Variants in RBFOX3 observed in about 807,000 individuals in gnomAD.
RBFOX3 encodes the protein RNA binding fox-1 homolog 3.
Under a neutral mutation model 48.7 loss-of-function variants are expected in RBFOX3, and 17 were observed. The observed-to-expected ratio is 0.35, with a 90% CI of 0.24 to 0.52. The LOEUF (loss-of-function observed/expected upper bound fraction) is 0.52. Ranked by LOEUF, RBFOX3 falls within the 20% of genes least tolerant of loss-of-function variation. The probability of loss-of-function intolerance (pLI) is 0.94; values close to 1 mark genes in which losing one functional copy is unlikely to be tolerated. For synonymous variants in RBFOX3, 212 were observed against 209.5 expected, an observed-to-expected ratio of 1.01 and a Z score of -0.10; for missense variants, 382 against 497.5, an observed-to-expected ratio of 0.77 and a Z score of 2.21.
At chr17:79,218,716 G>A (rs529456232) in intron 4 of RBFOX3, among the ~76,000 whole-genome samples, 1 of 152,314 alleles carries the variant, frequency 6.6e-6, no homozygotes, top group South Asian at 2.1e-4. Flanking sequence ...CAGGCTCAGG[G>A]AATGTCTTTG....
At chr17:79,551,573 G>C (rs926603147) in intron 1 of RBFOX3, among the ~76,000 whole-genome samples, 10 of 151,770 alleles carry the variant, frequency 6.6e-5, no homozygotes, top group Non-Finnish European at 1.5e-4. Context: ...AAGGTGGATA[G>C]ATAGGTAGGT....
At chr17:79,320,141 G>T (rs62061496) in intron 2 of RBFOX3, among the ~76,000 whole-genome samples, 7 of 152,150 alleles carry the variant, frequency 4.6e-5, no homozygotes, top group African/African-American at 1.4e-4. Flanking sequence ...TTGAGTGGCT[G>T]GTGTCTCCTG....
rs1163023445 is a variant in RBFOX3, at chr17:79,390,779, T to C, written c.-174-82955A>G. On this transcript the variant is annotated intron_variant, in intron 2 of 14. Transcript: ENST00000693108. This position sits in a 1 kb window ranked among gnomAD's most constrained non-coding sequence, Gnocchi z 4.2. ...AAGTTTGCCAGAGGCGAGTTCAGGG[T>C]GGGGATCCTGGCAGTGGGAAACTGG... 2.6e-5 allele frequency among the ~76,000 whole-genome samples: 4 copies of C among 152,068 alleles called. No individual in the cohort carries two copies. Among genetic ancestry groups the C allele is most frequent in the Admixed American group, 6.5e-5 (1 of 15,268 alleles).
At chr17:79,112,858 G>A (rs1272832671) in intron 5 of RBFOX3, among the ~76,000 whole-genome samples, 2 of 149,530 alleles carry the variant, frequency 1.3e-5, no homozygotes, top group Non-Finnish European at 3.0e-5. Flanking sequence ...GGAGCGTCCA[G>A]GGGGTTGTGT....
chr17:79,471,656 A>G lies in RBFOX3; in HGVS notation c.-175+10798T>C, dbSNP rs2149380624. On this transcript the variant is annotated intron_variant, in intron 2 of 14. Coordinates refer to ENST00000693108, the MANE Select transcript of RBFOX3 (RefSeq NM_001350451.2). This position sits in a 1 kb window ranked among gnomAD's most constrained non-coding sequence, Gnocchi z 4.0. ...GGACTGCAGTGTTTAAAAGACAGTC[A>G]TCACCCAAAGTGCTTTTTATAACAA... Among the ~76,000 whole-genome samples, 1 of 152,302 alleles carries G rather than the reference A, an allele frequency of 6.6e-6. No homozygotes were observed. Among genetic ancestry groups the G allele is most frequent in the Non-Finnish European group, 1.5e-5 (1 of 68,024 alleles).
At chr17:79,379,589 C>T (rs574705972) in intron 2 of RBFOX3, among the ~76,000 whole-genome samples, 3 of 152,130 alleles carry the variant, frequency 2.0e-5, no homozygotes, top group South Asian at 2.1e-4. Context: ...AGAATGAACA[C>T]GGGTGAGCAG....
chr17:79,201,604 T>C (rs906127157), intron 4 of RBFOX3, among the ~76,000 whole-genome samples: 1 of 152,190 alleles, frequency 6.6e-6, no homozygotes, highest in Non-Finnish European at 1.5e-5. Context: ...TCACGATCTC[T>C]CTTCTCTCTC....
At chr17:79,327,735 A>T (rs928601356) in intron 2 of RBFOX3, among the ~76,000 whole-genome samples, 3 of 151,996 alleles carry the variant, frequency 2.0e-5, no homozygotes, top group Non-Finnish European at 4.4e-5. Context: ...TCCCTCTGTC[A>T]CCCAGGCTGG....
At chr17:79,109,303 G>C (rs1300708341) in intron 5 of RBFOX3, among the ~76,000 whole-genome samples, 3 of 152,220 alleles carry the variant, frequency 2.0e-5, no homozygotes, top group Non-Finnish European at 2.9e-5. Context: ...GGTGGGCACA[G>C]CTGGCAGGGC....
chr17:79,540,642 C>A (rs534768620), intron 1 of RBFOX3, among the ~76,000 whole-genome samples: 1 of 152,252 alleles, frequency 6.6e-6, no homozygotes, highest in African/African-American at 2.4e-5. Context: ...CATTCACATA[C>A]CGCCGTGGTG....
At chr17:79,598,548 C>T (rs2093628153) in intron 1 of RBFOX3, 1 of 152,146 alleles carries the variant, frequency 6.6e-6, no homozygotes. Context: ...AAAATCACAT[C>T]CCATGGTCCT....
At chr17:79,371,467 T>C (rs1022808716) in intron 2 of RBFOX3, among the ~76,000 whole-genome samples, 1 of 152,186 alleles carries the variant, frequency 6.6e-6, no homozygotes, top group Non-Finnish European at 1.5e-5. Flanking sequence ...GTGGCCCTTG[T>C]TGCTGGGCTC....
At chr17:79,162,501 T>C (rs972148701) in intron 4 of RBFOX3, among the ~76,000 whole-genome samples, 1 of 152,228 alleles carries the variant, frequency 6.6e-6, no homozygotes, top group Non-Finnish European at 1.5e-5. Context: ...GCCATCCTAA[T>C]AGGCAGGCAG....
intron 1 of RBFOX3, chr17:79,599,009 A>G (rs902151040): frequency 1.3e-5 from 2 of 151,730 alleles, no homozygotes; most frequent in Non-Finnish European, 2.9e-5. Context: ...CCACCCACCC[A>G]CAGAAGTGAG....
intron 1 of RBFOX3, among the ~76,000 whole-genome samples, chr17:79,604,114 G>A (rs1410783776): frequency 3.9e-5 from 6 of 152,318 alleles, no homozygotes; most frequent in South Asian, 2.1e-4. Context: ...GTGTGCCCAC[G>A]GGCAAAGGGT....
chr17:79,504,080 C>T (rs1568354494), intron 1 of RBFOX3, among the ~76,000 whole-genome samples: 4 of 152,228 alleles, frequency 2.6e-5, no homozygotes, highest in South Asian at 4.1e-4. Flanking sequence ...TCCTGAGCAC[C>T]GTCCCCTGAG....
chr17:79,446,959 G>A (rs1017992888), intron 2 of RBFOX3, among the ~76,000 whole-genome samples: 25 of 152,256 alleles, frequency 1.6e-4, no homozygotes, highest in African/African-American at 5.5e-4. Flanking sequence ...CTAAGCCCCA[G>A]TTTGGAGTTT....
intron 2 of RBFOX3, among the ~76,000 whole-genome samples, chr17:79,387,821 C>G (rs1387129686): frequency 6.6e-6 from 1 of 152,248 alleles, no homozygotes; most frequent in African/African-American, 2.4e-5. Flanking sequence ...CAACCCATAC[C>G]CCAAGAGCAG....
intron 2 of RBFOX3, among the ~76,000 whole-genome samples, chr17:79,379,504 C>T (rs1598440732): frequency 6.6e-6 from 1 of 152,190 alleles, no homozygotes; most frequent in East Asian, 1.9e-4. Context: ...GGATTTTCTA[C>T]ATTAAGCACG....
Sources: allele counts gnomAD v4.1 joint callset (sites outside exome capture counted in the v4.1 genomes callset), GRCh38; gene constraint gnomAD v4.1.1; non-coding constraint Gnocchi (gnomAD v3.1); transcripts MANE v1.5; gene names NCBI Gene and HGNC (gene_info 2026-07-23, HGNC 2026-07-21).